The following ABCA6 variants were observed in gnomAD, a reference collection of about 807,000 sequenced individuals.
The protein encoded by ABCA6 is ATP-binding cassette sub-family A member 6.
ABCA6 carries 164 observed loss-of-function variants against 191.2 expected under a neutral mutation model. That is an observed-to-expected ratio of 0.86 (90% CI 0.76 to 0.98). The LOEUF (loss-of-function observed/expected upper bound fraction) is 0.98. ABCA6 is among the 50% of genes least tolerant of loss of function. ABCA6 has a pLI of 0.00. For missense variants in ABCA6, 1,958 were observed against 1,894.1 expected (o/e 1.03, Z -0.63); for synonymous variants, 636 against 647.7 (o/e 0.98, Z 0.27).
chr17:69,135,029 G>A (rs892336177), intron 4 of ABCA6, among the ~76,000 whole-genome samples: 4 of 151,714 alleles, frequency 2.6e-5, no homozygotes. Flanking sequence ...TATAGGCACA[G>A]GCCACGTTGT....
intron 7 of ABCA6, among the ~76,000 whole-genome samples, 196 bp from the exon 8 acceptor site, chr17:69,129,000 C>G (rs544090063): frequency 1.4e-4 from 21 of 152,192 alleles, no homozygotes; most frequent in African/African-American, 4.8e-4. Flanking sequence ...TTGTCCTACT[C>G]AAATGCCAGG....
intron 22 of ABCA6, among the ~76,000 whole-genome samples, chr17:69,099,178 C>G (rs994875497): frequency 5.9e-5 from 9 of 152,142 alleles, no homozygotes; most frequent in African/African-American, 2.2e-4. Flanking sequence ...CCACTTGAGG[C>G]TAGGCCAAGT....
Position 69,085,189 on chromosome 17 carries a change from AAAT to A in ABCA6, c.4030-10_4030-8del. On this transcript the variant is annotated splice_polypyrimidine_tract_variant and splice_region_variant and intron_variant, in intron 31 of 38. Transcript: ENST00000284425. ...TGCAGCCTTTCAGTTCCACCTAAAA[AAAT>A]AAAAGAGCTTTAGAAAGGCATGCAG... The A allele has an allele frequency of 6.2e-7, 1 of 1,602,196 alleles. No individual in the cohort carries two copies. The highest frequency in any genetic ancestry group is 8.5e-7 in the Non-Finnish European group (1 of 1,174,572).
chr17:69,083,554 T>G (rs1214594709), intron 34 of ABCA6, among the ~76,000 whole-genome samples: 1 of 152,182 alleles, frequency 6.6e-6, no homozygotes, highest in Non-Finnish European at 1.5e-5. Flanking sequence ...ACTGAAATAT[T>G]TATAAATTAA....
chr17:69,084,195 AC>A (rs878960960), intron 34 of ABCA6, 65 bp downstream of exon 34: 278 of 1,478,524 alleles, frequency 1.9e-4, no homozygotes, highest in South Asian at 1.9e-3. Context: ...ATTTTCCAAG[AC>A]CAGTTAAAAT....
intron 11 of ABCA6, chr17:69,115,971 A>T (rs1422507416): frequency 6.6e-6 from 1 of 151,830 alleles, no homozygotes; most frequent in Non-Finnish European, 1.5e-5. Context: ...CAATTCTCCC[A>T]CGTCAGCTCC....
chr17:69,104,579 T>C (rs928806756), intron 20 of ABCA6: 1 of 151,656 alleles, frequency 6.6e-6, no homozygotes, highest in African/African-American at 2.4e-5. Flanking sequence ...TTTTTTTGTT[T>C]CTTTGTTTGT....
At position 69,115,469 on chromosome 17, in the gene ABCA6, A is replaced by G. The variant is rs769556423; in HGVS notation, c.1513T>C (p.Tyr505His). The stretch of plus-strand genomic sequence containing the variant: ...AGGATTGCCGTGATTTGACCTTCAT[A>G]TATGTCAAAGAGCAAGCCTATTTTT... ...EALKGLLFDI[Y>H]EGQITAILGH... Residue 505 changes from tyrosine to histidine, a missense_variant, in exon 12 of 39, where the codon TAT becomes CAT. Coordinates refer to ENST00000284425, the MANE Select transcript of ABCA6 (RefSeq NM_080284.3). The G allele has an allele frequency of 3.1e-6, 5 of 1,610,156 alleles. No homozygotes were observed. Among genetic ancestry groups the G allele is most frequent in the South Asian group, 2.2e-5 (2 of 90,466 alleles).
rs919367812 is a variant in ABCA6 at position 69,115,409 on chromosome 17, T to A, written c.1573A>T (p.Asn525Tyr). The A allele has an allele frequency of 5.6e-6, 9 of 1,611,570 alleles. No homozygotes were observed. Among genetic ancestry groups the A allele is most frequent in the Middle Eastern group, 1.6e-4 (1 of 6,066 alleles). ...HSGAGKSSLL[N>Y]ILNGLSVPTE... ...GGAACAGACAATCCATTAAGAATAT[T>A]TAGCAGTGAAGATTTGCCAGCTCCA... Residue 525 changes from asparagine (N) to tyrosine (Y), a missense_variant, in exon 12 of 39, where the codon AAT (asparagine) becomes TAT (tyrosine). Asn to Tyr is a moderately radical substitution (Grantham distance 143). Transcript: ENST00000284425.
At chr17:69,116,407 C>T (rs1411205956) in intron 11 of ABCA6, among the ~76,000 whole-genome samples, 1 of 151,994 alleles carries the variant, frequency 6.6e-6, no homozygotes, top group Non-Finnish European at 1.5e-5. Flanking sequence ...CATTATTATT[C>T]ATTATGTATT....
At position 69,137,596 on chromosome 17, in the gene ABCA6, G is replaced by T. The variant is rs1598069122; in HGVS notation, c.97-96C>A. 6 of 1,135,170 alleles carry T rather than the reference G, an allele frequency of 5.3e-6. 1 individual carries two copies. The highest frequency in any genetic ancestry group is 4.7e-5 in the South Asian group (3 of 63,332). The allele number at this position is 1,135,170 out of a possible 1,614,324, so 70.3% of individuals were successfully genotyped here. ...ATACTGTTGAAAACAAATTCCAATT[G>T]TGCTATACAGTTATGTTCTCTCTGC... On this transcript the variant is annotated intron_variant, in intron 2 of 38. Coordinates refer to ENST00000284425, the MANE Select transcript of ABCA6 (RefSeq NM_080284.3).
At chr17:69,091,039 T>G (rs2072910527) in intron 26 of ABCA6, 104 bp downstream of exon 26, 1 of 1,210,482 alleles carries the variant, frequency 8.3e-7, no homozygotes, top group Non-Finnish European at 1.1e-6. Flanking sequence ...GCCCATTTGC[T>G]GTTACTCCCC....
intron 25 of ABCA6, 69 bp downstream of exon 25, chr17:69,096,171 G>A (rs2073040271): frequency 1.4e-6 from 1 of 700,818 alleles, no homozygotes; most frequent in Non-Finnish European, 2.1e-6. Context: ...GCAGACATCT[G>A]TATTTAAGAT....
chr17:69,113,726 T>C lies in ABCA6; in HGVS notation c.1794A>G (p.Ile598Met), dbSNP rs2079628732. 2.5e-6 allele frequency: 4 copies of C among 1,612,004 alleles called. No individual in the cohort carries two copies. The Admixed American group carries it at 6.7e-5, about 27-fold the overall frequency. Residue 598 changes from isoleucine (I) to methionine (M), a missense_variant, in exon 14 of 39, where the codon ATA becomes ATG. Ile to Met is a conservative substitution (Grantham distance 10, BLOSUM62 1). Coordinates refer to ENST00000284425, the MANE Select transcript of ABCA6 (RefSeq NM_080284.3). ...TGTTTTGCATGTCCAATTCCAATAA[T>C]ATTCGTTGTACCTATATGAGAAAAT... ...LKEVEQEVQR[I>M]LLELDMQNIQ...
At chr17:69,125,445 AT>A (rs1461906022) in intron 8 of ABCA6, among the ~76,000 whole-genome samples, 1 of 152,068 alleles carries the variant, frequency 6.6e-6, no homozygotes. Flanking sequence ...AAAAGTTTGT[AT>A]TTAGAATTTT....
intron 2 of ABCA6, among the ~76,000 whole-genome samples, chr17:69,138,921 CT>C: frequency 6.6e-6 from 1 of 152,112 alleles, no homozygotes; most frequent in African/African-American, 2.4e-5. Context: ...GGATCCCTTC[CT>C]TACACCTTAT....
intron 21 of ABCA6, among the ~76,000 whole-genome samples, chr17:69,101,837 G>A (rs570950241): frequency 9.9e-5 from 15 of 152,268 alleles, no homozygotes; most frequent in Non-Finnish European, 2.1e-4. Flanking sequence ...ATGTAACGTA[G>A]TAGCTGACAA....
chr17:69,111,213 T>C (rs902985430), intron 16 of ABCA6: 8 of 209,042 alleles, frequency 3.8e-5, no homozygotes, highest in African/African-American at 1.6e-4. Context: ...TAGTTATAGA[T>C]AAATGTAGGA....
intron 27 of ABCA6, 101 bp downstream of exon 27, chr17:69,089,363 TA>T (rs1185956680): frequency 1.2e-5 from 14 of 1,121,190 alleles, no homozygotes; most frequent in Non-Finnish European, 1.7e-5. Flanking sequence ...TAAGATCATA[TA>T]AAAACACTTT....
Sources: gnomAD v4.1 joint callset for allele counts (sites outside exome capture counted in the v4.1 genomes callset) on GRCh38, gnomAD v4.1.1 for gene constraint, MANE v1.5 for transcripts, NCBI Gene and HGNC (gene_info 2026-07-23, HGNC 2026-07-21) for gene names.